The following UCHL3 variants were observed in gnomAD, a reference collection of about 807,000 sequenced individuals.
UCHL3 encodes the protein ubiquitin carboxyl-terminal hydrolase isozyme L3.
A neutral mutation model predicts 35.8 loss-of-function variants in UCHL3; 22 were observed. That is an observed-to-expected ratio of 0.61 (90% CI 0.44 to 0.88). UCHL3 has a LOEUF of 0.88. Among genes scored for constraint, UCHL3 ranks in the 40% least tolerant of loss-of-function variants. The probability of loss-of-function intolerance (pLI) is 0.00; values close to 1 mark genes in which losing one functional copy is unlikely to be tolerated. For missense variants in UCHL3, 229 were observed against 276.9 expected (o/e 0.83, Z 1.23); for synonymous variants, 90 against 92.8 (o/e 0.97, Z 0.17).
chr13:75,583,262 A>G (rs2032235918), intron 6 of UCHL3, among the ~76,000 whole-genome samples: 1 of 152,198 alleles, frequency 6.6e-6, no homozygotes, highest in Non-Finnish European at 1.5e-5. Context: ...CCTATTTTGA[A>G]TGTTGTAAAA....
chr13:75,596,250 G>T (rs2032643031), intron 7 of UCHL3, among the ~76,000 whole-genome samples: 1 of 152,212 alleles, frequency 6.6e-6, no homozygotes, highest in Non-Finnish European at 1.5e-5. Flanking sequence ...TTATAAAAAT[G>T]TGCAACCCTG....
chr13:75,592,428 A>ATG (rs1429030224), intron 6 of UCHL3, among the ~76,000 whole-genome samples: 5,426 of 72,588 alleles, frequency 0.075, 568 homozygotes, highest in South Asian at 0.11. Context: ...ATATATATAT[A>ATG]TATATATATA....
At chr13:75,588,390 CCCCTATTCTTT>C (rs1296900198) in intron 6 of UCHL3, among the ~76,000 whole-genome samples, 1 of 152,056 alleles carries the variant, frequency 6.6e-6, no homozygotes, top group Non-Finnish European at 1.5e-5. Context: ...CTTTCTTCTT[CCCCTATTCTTT>C]CCTTCTCTCT....
chr13:75,585,398 T>A (rs938637438), intron 6 of UCHL3, among the ~76,000 whole-genome samples: 1 of 152,180 alleles, frequency 6.6e-6, no homozygotes, highest in Non-Finnish European at 1.5e-5. Context: ...ACACATAGAA[T>A]GATATTTTTA....
At chr13:75,590,269 A>G in intron 6 of UCHL3, 2 of 1,184,984 alleles carry the variant, frequency 1.7e-6, no homozygotes, top group Non-Finnish European at 1.1e-6. Flanking sequence ...TAAGATTGCA[A>G]GCATATCTCT....
chr13:75,549,692 T>G, upstream of UCHL3: 6 of 1,090,338 alleles, frequency 5.5e-6, no homozygotes, highest in African/African-American at 1.6e-5. Flanking sequence ...GTCAAACTCT[T>G]TTTGGTGTTT....
intron 6 of UCHL3, among the ~76,000 whole-genome samples, chr13:75,584,931 T>C (rs1229927897): frequency 6.6e-6 from 1 of 151,354 alleles, no homozygotes; most frequent in African/African-American, 2.4e-5. Context: ...GGGAAAAAAA[T>C]AGTGGAAAAG....
At chr13:75,591,509 C>T (rs1288113877) in intron 6 of UCHL3, among the ~76,000 whole-genome samples, 1 of 152,142 alleles carries the variant, frequency 6.6e-6, no homozygotes, top group Non-Finnish European at 1.5e-5. Flanking sequence ...TTCTTTTCTA[C>T]TTAAAAATGT....
upstream of UCHL3, chr13:75,549,697 G>A (rs941742902): frequency 6.1e-6 from 7 of 1,151,544 alleles, no homozygotes; most frequent in African/African-American, 1.6e-5. Flanking sequence ...ACTCTTTTTG[G>A]TGTTTAGGCG....
At chr13:75,566,969 C>A in intron 4 of UCHL3, 118 bp downstream of exon 4, 5 of 1,167,362 alleles carry the variant, frequency 4.3e-6, no homozygotes, top group Non-Finnish European at 6.0e-6. Flanking sequence ...TCCCTGCTTC[C>A]TTGATGATGG....
chr13:75,567,367 A>G (rs1249104565), intron 5 of UCHL3, 55 bp downstream of exon 5: 2 of 1,502,386 alleles, frequency 1.3e-6, no homozygotes, highest in Non-Finnish European at 1.8e-6. Context: ...GTGGGATTGT[A>G]GATGTGTTTG....
At chr13:75,594,198 C>G (rs2032583436) in intron 6 of UCHL3, among the ~76,000 whole-genome samples, 1 of 152,064 alleles carries the variant, frequency 6.6e-6, no homozygotes. Context: ...GATTGGTAAG[C>G]TAAAGAAATG....
chr13:75,566,594 CATA>C, intron 3 of UCHL3, 98 bp from the exon 4 acceptor site: 9 of 736,348 alleles, frequency 1.2e-5, no homozygotes, highest in East Asian at 3.2e-5. Context: ...CCCTTTCTTT[CATA>C]ATAATATTTT....
intron 6 of UCHL3, among the ~76,000 whole-genome samples, chr13:75,578,707 ATTAAT>A (rs2138524528): frequency 6.6e-6 from 1 of 152,240 alleles, no homozygotes; most frequent in African/African-American, 2.4e-5. Context: ...AAAATATGTA[ATTAAT>A]TTACAATGAA....
Position 75,587,270 on chromosome 13 carries a change from A to G in UCHL3, c.475-7645A>G, listed in dbSNP as rs531106845. On this transcript the variant is annotated intron_variant, in intron 6 of 8. Coordinates refer to ENST00000377595, the MANE Select transcript of UCHL3 (RefSeq NM_006002.5). Reference sequence around the variant, plus strand: ...TGGAGAAGGGCTTGATGTTTAAAATATAAAAGATAAAGACTGTTAGAAATG... The same window carrying G: ...TGGAGAAGGGCTTGATGTTTAAAATGTAAAAGATAAAGACTGTTAGAAATG... 4.6e-5 allele frequency among the ~76,000 whole-genome samples: 7 copies of G among 152,178 alleles called. No homozygotes were observed. The South Asian group carries it at 1.2e-3, about 27-fold the overall frequency.
chr13:75,559,191 C>T (rs1259314210), intron 2 of UCHL3, among the ~76,000 whole-genome samples: 1 of 152,102 alleles, frequency 6.6e-6, no homozygotes, highest in Non-Finnish European at 1.5e-5. Context: ...AGGCGCCAGC[C>T]ACCACGCCCA....
Position 75,590,690 on chromosome 13 carries a change from T to C in UCHL3, c.475-4225T>C, listed in dbSNP as rs181016696. 7.2e-5 allele frequency among the ~76,000 whole-genome samples: 11 copies of C among 152,300 alleles called. No individual in the cohort carries two copies. The East Asian group carries it at 1.9e-3, about 27-fold the overall frequency. On this transcript the variant is annotated intron_variant, in intron 6 of 8. Transcript: ENST00000377595. ...GTGGCTCAGGTACTTGGTTTAATCT[T>C]GATCTGATCTTTCCTGCCTATTCAG...
chr13:75,594,941 T>C lies in UCHL3; in HGVS notation c.501T>C (p.Asp167=). ...CACCAAGTATAGATGAGAAAGTAGA[T>C]CTTCATTTTATTGCATTAGTTCATG... ...TEAPSIDEKV[D]LHFIALVHVD... is the part of the protein sequence containing the mutation. The change falls in exon 7 of 9, where the codon GAT becomes GAC. Residue 167 remains aspartate (D), a synonymous_variant. Coordinates refer to ENST00000377595, the MANE Select transcript of UCHL3 (RefSeq NM_006002.5). 2 of 1,607,488 alleles carry C rather than the reference T, an allele frequency of 1.2e-6. No homozygotes were observed. The highest frequency in any genetic ancestry group is 1.7e-6 in the Non-Finnish European group (2 of 1,178,478).
intron 3 of UCHL3, among the ~76,000 whole-genome samples, chr13:75,562,707 C>T (rs913563546): frequency 6.6e-6 from 1 of 152,014 alleles, no homozygotes; most frequent in Non-Finnish European, 1.5e-5. Flanking sequence ...ATTAAAAAGG[C>T]ATATTATCCT....
Sources: allele counts gnomAD v4.1 joint callset (sites outside exome capture counted in the v4.1 genomes callset), GRCh38; gene constraint gnomAD v4.1.1; transcripts MANE v1.5; gene names NCBI Gene and HGNC (gene_info 2026-07-23, HGNC 2026-07-21).